Variants in DST observed in about 807,000 individuals in gnomAD.
DST encodes the protein bullous pemphigoid antigen.
DST carries 253 observed loss-of-function variants against 875.2 expected under a neutral mutation model. That is an observed-to-expected ratio of 0.29 (90% CI 0.26 to 0.32). The LOEUF (loss-of-function observed/expected upper bound fraction) is 0.32, where lower values mean the gene tolerates loss of function less well. Ranked by LOEUF, DST falls within the 10% of genes least tolerant of loss-of-function variation. DST has a pLI of 1.00. For synonymous variants in DST, 3,124 were observed against 3,197.1 expected (o/e 0.98, Z 0.77); for missense variants, 8,287 against 9,111.6 (o/e 0.91, Z 3.68).
At chr6:56,709,939 G>GTT (rs1354279333) in intron 5 of DST, among the ~76,000 whole-genome samples, 2 of 152,114 alleles carry the variant, frequency 1.3e-5, no homozygotes, top group Non-Finnish European at 2.9e-5. Context: ...GGAAAGCAGT[G>GTT]GTGAAGTCAA....
At chr6:56,656,254 T>G (rs1306005232) in intron 10 of DST, among the ~76,000 whole-genome samples, 1 of 152,246 alleles carries the variant, frequency 6.6e-6, no homozygotes, top group Non-Finnish European at 1.5e-5. Flanking sequence ...GCTTTGTCTC[T>G]CCTAAAAAAC....
At chr6:56,551,744 C>T (rs758724852) in intron 61 of DST, among the ~76,000 whole-genome samples, 22 of 152,078 alleles carry the variant, frequency 1.4e-4, no homozygotes, top group Non-Finnish European at 2.5e-4. Flanking sequence ...AGAAAAATGT[C>T]TGTGGAAGAA....
At chr6:56,940,103 A>G (rs1815582327) in intron 2 of DST, among the ~76,000 whole-genome samples, 1 of 151,994 alleles carries the variant, frequency 6.6e-6, no homozygotes, top group South Asian at 2.1e-4. Context: ...CAAAAATGTC[A>G]TAGTCTTAAA....
rs750806192 is a variant in DST, at chr6:56,630,372, A to T, written c.4154T>A (p.Val1385Asp). The T allele has an allele frequency of 1.2e-6, 2 of 1,612,610 alleles. No homozygotes were observed. Among genetic ancestry groups the T allele is most frequent in the South Asian group, 1.1e-5 (1 of 91,028 alleles). Residue 1385 changes from valine to aspartate, a missense_variant, in exon 31 of 104, where the codon GTT becomes GAT. By Grantham distance (152) the Val-to-Asp change is radical. This residue lies in a region of DST where 3,138 missense variants were observed against 3,116.6 expected (regional missense o/e 1.01). Transcript: ENST00000680361. Reference protein sequence around the residue: ...SSTYIDKLKTVNLVLKNTQAA... With the variant: ...SSTYIDKLKTDNLVLKNTQAA... ...TTGAGTGTTTTTTAACACCAAGTTAACAGTTTTCAACCTTAAAAAGGAAAT... is the reference window on the plus strand; with the variant it reads ...TTGAGTGTTTTTTAACACCAAGTTATCAGTTTTCAACCTTAAAAAGGAAAT...
At chr6:56,558,164 C>T (rs550472227) in intron 58 of DST, among the ~76,000 whole-genome samples, 3 of 152,242 alleles carry the variant, frequency 2.0e-5, no homozygotes, top group Admixed American at 1.3e-4. Flanking sequence ...ATTATACCCT[C>T]GATCATAAAA....
At position 56,954,655 on chromosome 6, in the gene DST, G is replaced by T; in HGVS notation, c.-68C>A. 1 of 1,099,956 alleles carries T rather than the reference G, an allele frequency of 9.1e-7. No homozygotes were observed. Among genetic ancestry groups the T allele is most frequent in the Non-Finnish European group, 1.1e-6 (1 of 878,362 alleles). The allele number at this position is 1,099,956 out of a possible 1,614,324, so 68.1% of individuals were successfully genotyped here. On this transcript the variant is annotated 5_prime_UTR_variant, in exon 1 of 104. Transcript: ENST00000680361. ...GCGGCGGCACAGGCACCCGCGCTGG[G>T]CGCACGCCGGGACGGCGGGCACGGG... is the stretch of plus-strand genomic sequence containing the variant.
intron 4 of DST, among the ~76,000 whole-genome samples, chr6:56,811,443 T>A (rs13194904): frequency 0.12 from 18,619 of 152,214 alleles, 1,581 homozygotes; most frequent in Non-Finnish European, 0.19. Flanking sequence ...TATAGCATCA[T>A]CAATATTATG....
intron 2 of DST, among the ~76,000 whole-genome samples, chr6:56,905,541 A>G (rs1160861434): frequency 6.6e-6 from 1 of 152,152 alleles, no homozygotes; most frequent in East Asian, 1.9e-4. Context: ...ATTGCACCTA[A>G]CATAATGTTC....
chr6:56,729,420 G>A (rs932422498), intron 5 of DST, among the ~76,000 whole-genome samples: 25 of 151,754 alleles, frequency 1.6e-4, no homozygotes, highest in Admixed American at 1.1e-3. Context: ...AAGAAACCCC[G>A]TCTCTACTAA....
intron 3 of DST, among the ~76,000 whole-genome samples, chr6:56,858,937 TC>T (rs1769470203): frequency 6.6e-6 from 1 of 152,174 alleles, no homozygotes; most frequent in African/African-American, 2.4e-5. Flanking sequence ...AGCCAGGATT[TC>T]CATATAGGTC....
chr6:56,763,213 C>T (rs533194858), intron 4 of DST, among the ~76,000 whole-genome samples: 1 of 152,226 alleles, frequency 6.6e-6, no homozygotes, highest in South Asian at 2.1e-4. Flanking sequence ...CCATACATGA[C>T]CATGTGTTCT....
chr6:56,640,380 T>A lies in DST; in HGVS notation c.2253A>T (p.Ser751=), dbSNP rs369018665. The stretch of plus-strand genomic sequence containing the variant: ...GAGTCAGGCGGGAAGTCATCCCTGA[T>A]GACAGGCCAGAAGTCATACTAGAAG... The part of the protein sequence containing the change: ...LTSSSMTSGL[S]SGMTSRLTPS... The change falls in exon 18 of 104, where the codon TCA becomes TCT. Residue 751 remains serine, a synonymous_variant. Coordinates refer to ENST00000680361, the MANE Select transcript of DST (RefSeq NM_001374736.1). 1.7e-5 allele frequency: 27 copies of A among 1,614,040 alleles called. No individual in the cohort carries two copies. The African/African-American group carries it at 3.6e-4, about 22-fold the overall frequency.
chr6:56,579,182 G>A (rs1440718655), intron 49 of DST, among the ~76,000 whole-genome samples: 3 of 152,146 alleles, frequency 2.0e-5, no homozygotes, highest in African/African-American at 7.2e-5. Flanking sequence ...TTGAGCATAT[G>A]TTCATAATAA....
chr6:56,768,872 C>G (rs1305117367), intron 4 of DST, among the ~76,000 whole-genome samples: 1 of 152,058 alleles, frequency 6.6e-6, no homozygotes, highest in African/African-American at 2.4e-5. Context: ...AGATCAAGAC[C>G]ATCCTGGCCA....
intron 10 of DST, among the ~76,000 whole-genome samples, chr6:56,664,627 T>C (rs1167762938): frequency 6.6e-6 from 1 of 152,196 alleles, no homozygotes; most frequent in Non-Finnish European, 1.5e-5. Flanking sequence ...ACACCAGATG[T>C]TTTTGTGACA....
intron 24 of DST, among the ~76,000 whole-genome samples, 178 bp downstream of exon 24, chr6:56,635,410 TA>T (rs1381594122): frequency 6.6e-6 from 1 of 152,000 alleles, no homozygotes; most frequent in East Asian, 1.9e-4. Flanking sequence ...GCTATCACAT[TA>T]AAAAAACACT....
At chr6:56,761,860 A>G (rs1486847317) in intron 4 of DST, among the ~76,000 whole-genome samples, 1 of 152,126 alleles carries the variant, frequency 6.6e-6, no homozygotes, top group Non-Finnish European at 1.5e-5. Context: ...ATATATAGAA[A>G]CTTGATTTAT....
chr6:56,634,092 T>C (rs754268049), intron 27 of DST, 40 bp downstream of exon 27: 5 of 1,610,448 alleles, frequency 3.1e-6, no homozygotes, highest in Non-Finnish European at 4.2e-6. Flanking sequence ...GGCATGCACA[T>C]TTTTGGACAT....
chr6:56,642,790 T>A lies in DST; in HGVS notation c.1779-287A>T, dbSNP rs754357722. The A allele has an allele frequency of 9.9e-6, 16 of 1,613,928 alleles. 1 individual carries two copies. The South Asian group carries it at 1.6e-4, about 17-fold the overall frequency. On this transcript the variant is annotated intron_variant, in intron 15 of 103. Coordinates refer to ENST00000680361, the MANE Select transcript of DST (RefSeq NM_001374736.1). Reference sequence around the variant, plus strand: ...GTAACTATAACTACTACTGTGCATTTTTATTCCTGAAACGATGTTCTTTCT... The same window carrying A: ...GTAACTATAACTACTACTGTGCATTATTATTCCTGAAACGATGTTCTTTCT...
Sources: allele counts gnomAD v4.1 joint callset (sites outside exome capture counted in the v4.1 genomes callset), GRCh38; gene constraint gnomAD v4.1.1; regional missense constraint gnomAD v4.1.1; transcripts MANE v1.5; gene names NCBI Gene and HGNC (gene_info 2026-07-23, HGNC 2026-07-21).